RANBP2: variants seen among roughly 807,000 people sequenced by gnomAD.
RANBP2 encodes the protein RAN binding protein 2.
RANBP2 carries 57 observed loss-of-function variants against 303.6 expected under a neutral mutation model. The observed-to-expected ratio is 0.19, with a 90% CI of 0.15 to 0.23. RANBP2 has a LOEUF of 0.23. Among genes scored for constraint, RANBP2 ranks in the 10% least tolerant of loss-of-function variants. The probability of loss-of-function intolerance (pLI) is 1.00; values close to 1 mark genes in which losing one functional copy is unlikely to be tolerated. For synonymous variants in RANBP2, 1,167 were observed against 1,301.5 expected (o/e 0.90, Z 2.23); for missense variants, 3,138 against 3,780.8 (o/e 0.83, Z 4.46).
the RANBP2 span, among the ~76,000 whole-genome samples, chr2:109,510,624 C>T: frequency 3.5e-4 from 54 of 152,308 alleles, no homozygotes; most frequent in South Asian, 4.1e-3. Context: ...TGTTCCTAGC[C>T]GGGACCAGGG....
the RANBP2 span, among the ~76,000 whole-genome samples, chr2:109,338,916 AC>A: frequency 8.9e-6 from 1 of 112,638 alleles, no homozygotes; most frequent in East Asian, 3.0e-4. Context: ...CTTACTGATA[AC>A]ACAAACAGTT....
At chr2:108,985,030 TG>T in the RANBP2 span, among the ~76,000 whole-genome samples, 1 of 152,238 alleles carries the variant, frequency 6.6e-6, no homozygotes. Context: ...TCTCATTTTT[TG>T]CTTGCAGTCT....
chr2:109,748,587 C>T, the RANBP2 span, among the ~76,000 whole-genome samples: 3 of 102,898 alleles, frequency 2.9e-5, no homozygotes, highest in Middle Eastern at 6.2e-3. Context: ...AAAAAACTGG[C>T]TTAGGCCGGG....
At chr2:108,964,037 A>G in the RANBP2 span, among the ~76,000 whole-genome samples, 1 of 152,194 alleles carries the variant, frequency 6.6e-6, no homozygotes, top group Non-Finnish European at 1.5e-5. Flanking sequence ...CTGAGCCTGA[A>G]CTGTGGCCAC....
rs375754677 is a variant in RANBP2, at chr2:108,772,593, G to A, written c.8113+12G>A. 5 of 1,602,174 alleles carry A rather than the reference G, an allele frequency of 3.1e-6. No individual in the cohort carries two copies. The highest frequency in any genetic ancestry group is 2.2e-5 in the East Asian group (1 of 44,750). ...AGAAAATACAGCAGGTATGTTAAGT[G>A]TAAAGGACATTTATAATGCTTTTAA... On this transcript the variant is annotated intron_variant, in intron 22 of 28. Transcript: ENST00000283195.
the RANBP2 span, among the ~76,000 whole-genome samples, chr2:109,506,015 C>G: frequency 3.3e-4 from 50 of 152,340 alleles, no homozygotes; most frequent in Middle Eastern, 3.4e-3. Flanking sequence ...ATTCAAATCA[C>G]GTACTTCACT....
the RANBP2 span, among the ~76,000 whole-genome samples, chr2:109,709,718 G>A: frequency 6.6e-6 from 1 of 152,246 alleles, no homozygotes; most frequent in Non-Finnish European, 1.5e-5. Flanking sequence ...CATATGGAGG[G>A]AAGGTCTTTG....
chr2:109,015,749 C>T, the RANBP2 span, among the ~76,000 whole-genome samples: 1 of 151,988 alleles, frequency 6.6e-6, no homozygotes, highest in Admixed American at 6.6e-5. Context: ...CAGAGCAAGA[C>T]TCTGTCTCAA....
chr2:109,330,502 G>A, the RANBP2 span, among the ~76,000 whole-genome samples: 1 of 152,096 alleles, frequency 6.6e-6, no homozygotes, highest in Non-Finnish European at 1.5e-5. Context: ...TGGGGGGCAG[G>A]GGGTGTCCCC....
chr2:109,627,574 A>G, the RANBP2 span, among the ~76,000 whole-genome samples: 3 of 152,218 alleles, frequency 2.0e-5, no homozygotes, highest in Admixed American at 2.0e-4. Flanking sequence ...ATGATTTTTC[A>G]TAAACTAAAC....
the RANBP2 span, among the ~76,000 whole-genome samples, chr2:109,219,492 T>C: frequency 6.6e-6 from 1 of 151,632 alleles, no homozygotes; most frequent in Non-Finnish European, 1.5e-5. Flanking sequence ...GGCTTCCAAA[T>C]TGGAAAAAAA....
the RANBP2 span, chr2:109,128,341 A>C: frequency 1.3e-5 from 2 of 152,164 alleles, no homozygotes; most frequent in South Asian, 4.1e-4. Context: ...GCGGGGGTTC[A>C]CGAGACTGCG....
the RANBP2 span, chr2:109,371,518 T>C: frequency 7.4e-7 from 1 of 1,350,912 alleles, no homozygotes; most frequent in Non-Finnish European, 1.1e-6. Context: ...TACTAACCAG[T>C]GTCTTGCTTC....
intron 7 of RANBP2, among the ~76,000 whole-genome samples, chr2:108,742,076 A>C (rs1351700420): frequency 6.6e-6 from 1 of 151,148 alleles, no homozygotes; most frequent in Non-Finnish European, 1.5e-5. Flanking sequence ...GCTCACTGCA[A>C]CCTCTGCCTT....
At chr2:109,430,186 C>G in the RANBP2 span, among the ~76,000 whole-genome samples, 1 of 152,266 alleles carries the variant, frequency 6.6e-6, no homozygotes, top group Non-Finnish European at 1.5e-5. Context: ...GAGTTGCATA[C>G]TGTTGCCCAT....
chr2:109,493,852 A>C, the RANBP2 span, among the ~76,000 whole-genome samples: 4 of 152,086 alleles, frequency 2.6e-5, no homozygotes. Flanking sequence ...CACATAATAC[A>C]AACACATATT....
the RANBP2 span, among the ~76,000 whole-genome samples, chr2:109,647,971 T>C: frequency 2.0e-5 from 3 of 152,150 alleles, no homozygotes. Context: ...ACCCTAACCC[T>C]TTGCTGAGCT....
the RANBP2 span, among the ~76,000 whole-genome samples, chr2:109,673,527 G>A: frequency 1.3e-5 from 2 of 152,136 alleles, no homozygotes; most frequent in Non-Finnish European, 2.9e-5. Context: ...TTTTTGATTT[G>A]GGTGGGCATC....
the RANBP2 span, chr2:108,884,914 C>A: frequency 6.6e-6 from 1 of 152,256 alleles, no homozygotes; most frequent in East Asian, 1.9e-4. Context: ...TTTTCAGCCC[C>A]TCCCCACTCC....
Sources: gnomAD v4.1 joint callset for allele counts (sites outside exome capture counted in the v4.1 genomes callset) on GRCh38, gnomAD v4.1.1 for gene constraint, MANE v1.5 for transcripts, NCBI Gene and HGNC (gene_info 2026-07-23, HGNC 2026-07-21) for gene names.